CLSTN2: variants seen among roughly 807,000 people sequenced by gnomAD.
CLSTN2 encodes calsyntenin-2.
In CLSTN2, 48 loss-of-function variants were observed where a neutral mutation model predicts 101.2. That is an observed-to-expected ratio of 0.47 (90% CI 0.38 to 0.60). The LOEUF (loss-of-function observed/expected upper bound fraction) is 0.60. CLSTN2 is among the 20% of genes least tolerant of loss of function. The pLI is 0.00. For missense variants in CLSTN2, 1,160 were observed against 1,238.2 expected, an observed-to-expected ratio of 0.94 and a Z score of 0.95; for synonymous variants, 481 against 463.6, an observed-to-expected ratio of 1.04 and a Z score of -0.48.
At chr3:140,014,683 G>C (rs927123378) in intron 1 of CLSTN2, among the ~76,000 whole-genome samples, 1 of 152,170 alleles carries the variant, frequency 6.6e-6, no homozygotes, top group Non-Finnish European at 1.5e-5. Context: ...GCGTGTCTGA[G>C]GAACTGCAGG....
chr3:140,194,027 T>C (rs1299755749), intron 2 of CLSTN2, among the ~76,000 whole-genome samples: 1 of 152,192 alleles, frequency 6.6e-6, no homozygotes, highest in African/African-American at 2.4e-5. Context: ...TTCTTGAGCT[T>C]TCTACTTTTT....
intron 1 of CLSTN2, among the ~76,000 whole-genome samples, chr3:140,021,936 T>C (rs2007326832): frequency 6.6e-6 from 1 of 152,210 alleles, no homozygotes; most frequent in African/African-American, 2.4e-5. Flanking sequence ...AGTGGGTATA[T>C]GACTTGCCGA....
At chr3:140,129,226 C>T (rs185462003) in intron 1 of CLSTN2, among the ~76,000 whole-genome samples, 16 of 152,038 alleles carry the variant, frequency 1.1e-4, no homozygotes, top group East Asian at 9.7e-4. Context: ...CTGCAAAAGT[C>T]GCACAGAGAG....
intron 2 of CLSTN2, among the ~76,000 whole-genome samples, chr3:140,252,482 C>G (rs1020177843): frequency 1.4e-4 from 22 of 152,170 alleles, no homozygotes; most frequent in African/African-American, 5.1e-4. Flanking sequence ...TTAACAAGCT[C>G]TCTGCCTTTC....
chr3:140,114,179 A>G (rs1004206315), intron 1 of CLSTN2, among the ~76,000 whole-genome samples: 8 of 152,280 alleles, frequency 5.3e-5, no homozygotes, highest in African/African-American at 1.7e-4. Flanking sequence ...GGGAGTTCCC[A>G]TCTCCAGGGC....
chr3:140,017,780 A>C (rs903910570), intron 1 of CLSTN2, among the ~76,000 whole-genome samples: 3 of 152,240 alleles, frequency 2.0e-5, no homozygotes, highest in African/African-American at 7.2e-5. Flanking sequence ...CTCCCGCACA[A>C]GCAAAAGCTG....
intron 8 of CLSTN2, among the ~76,000 whole-genome samples, chr3:140,474,875 G>A (rs1431521663): frequency 1.3e-5 from 2 of 152,190 alleles, no homozygotes; most frequent in Non-Finnish European, 1.5e-5. Context: ...CCAAAGGGGT[G>A]CAGAAGCAGT....
chr3:140,006,901 G>T (rs2006970398), intron 1 of CLSTN2, among the ~76,000 whole-genome samples: 1 of 152,060 alleles, frequency 6.6e-6, no homozygotes, highest in African/African-American at 2.4e-5. Flanking sequence ...GGCACCAAAA[G>T]AAACCACTCT....
intron 2 of CLSTN2, among the ~76,000 whole-genome samples, chr3:140,365,816 A>G (rs1267576417): frequency 6.6e-6 from 1 of 152,142 alleles, no homozygotes; most frequent in Non-Finnish European, 1.5e-5. Flanking sequence ...AAACAAAAAC[A>G]TTTTCCTTTG....
At chr3:140,556,439 G>A (rs1935792363) in intron 10 of CLSTN2, 74 bp from the exon 11 acceptor site, 1 of 1,474,220 alleles carries the variant, frequency 6.8e-7, no homozygotes. Context: ...GCCCTGTATG[G>A]ACAGGAAGTG....
At chr3:140,306,374 G>A (rs544185692) in intron 2 of CLSTN2, among the ~76,000 whole-genome samples, 4 of 151,832 alleles carry the variant, frequency 2.6e-5, no homozygotes, top group African/African-American at 9.7e-5. Context: ...CCACAGCATC[G>A]TAATTCTAAG....
intron 2 of CLSTN2, among the ~76,000 whole-genome samples, chr3:140,312,049 G>A (rs1490785862): frequency 1.3e-5 from 2 of 152,216 alleles, no homozygotes; most frequent in East Asian, 1.9e-4. Flanking sequence ...CAGACTCAGA[G>A]TGCTTTCCCT....
chr3:140,281,554 A>G (rs1222890790), intron 2 of CLSTN2, among the ~76,000 whole-genome samples: 2 of 152,256 alleles, frequency 1.3e-5, no homozygotes, highest in African/African-American at 4.8e-5. Flanking sequence ...AAGCCCTTCT[A>G]GTTACCTAAT....
At chr3:140,311,034 A>G (rs1299260345) in intron 2 of CLSTN2, among the ~76,000 whole-genome samples, 2 of 152,134 alleles carry the variant, frequency 1.3e-5, no homozygotes, top group Admixed American at 6.6e-5. Context: ...ATGGCTAGTC[A>G]GAGAGGCTGA....
At chr3:140,474,955 C>CTGTGTTGCAGAGGCTGTACCATGA (rs1482003025) in intron 8 of CLSTN2, among the ~76,000 whole-genome samples, 2 of 150,794 alleles carry the variant, frequency 1.3e-5, no homozygotes, top group African/African-American at 2.4e-5. Flanking sequence ...TGGAAAGAAG[C>CTGTGTTGCAGAGGCTGTACCATGA]CCCCACTACA....
chr3:139,972,995 T>C (rs764746984), intron 1 of CLSTN2, among the ~76,000 whole-genome samples: 1 of 152,258 alleles, frequency 6.6e-6, no homozygotes, highest in Non-Finnish European at 1.5e-5. Flanking sequence ...TAAAAAGGAC[T>C]TCTACAGTTT....
intron 2 of CLSTN2, among the ~76,000 whole-genome samples, chr3:140,389,454 C>T (rs1304571914): frequency 6.6e-6 from 1 of 152,206 alleles, no homozygotes; most frequent in Non-Finnish European, 1.5e-5. Flanking sequence ...CATGTCCCTG[C>T]AAAGGACATG....
At chr3:140,506,434 C>G (rs7634918) in intron 8 of CLSTN2, among the ~76,000 whole-genome samples, 22,544 of 152,028 alleles carry the variant, frequency 0.15, 2,414 homozygotes, top group African/African-American at 0.31. Flanking sequence ...GCCCTGGAAC[C>G]CCAGGGTCCT....
rs763022217 is a variant in CLSTN2 at position 139,949,937 on chromosome 3, T to C, written c.109+14454T>C. Among the ~76,000 whole-genome samples the C allele has an allele frequency of 3.0e-4, 45 of 152,218 alleles. 1 individual carries two copies. Among genetic ancestry groups the C allele is most frequent in the Admixed American group, 7.2e-4 (11 of 15,278 alleles). Reference sequence around the variant, plus strand: ...ACAATTTGCAATTTGTGATATCAGATGCATGTGTGTGTAGAGGCAAGAAGG... The same window carrying C: ...ACAATTTGCAATTTGTGATATCAGACGCATGTGTGTGTAGAGGCAAGAAGG... On this transcript the variant is annotated intron_variant, in intron 1 of 16. Transcript: ENST00000458420.
Sources: allele counts gnomAD v4.1 joint callset (sites outside exome capture counted in the v4.1 genomes callset), GRCh38; gene constraint gnomAD v4.1.1; transcripts MANE v1.5; gene names NCBI Gene and HGNC (gene_info 2026-07-23, HGNC 2026-07-21).